Variants in OSBP2 observed in about 807,000 individuals in gnomAD.
OSBP2 encodes the protein oxysterol binding protein 2, also known as oxysterol-binding protein 2.
Under a neutral mutation model 96.0 loss-of-function variants are expected in OSBP2, and 66 were observed. The ratio of observed to expected loss-of-function variants is 0.69; its 90% confidence interval spans 0.56 to 0.84. OSBP2 has a LOEUF of 0.84. OSBP2 is among the 40% of genes least tolerant of loss of function. OSBP2 has a pLI of 0.00. For missense variants in OSBP2, 1,038 were observed against 1,222.7 expected (o/e 0.85, Z 2.25); for synonymous variants, 525 against 520.9 (o/e 1.01, Z -0.11).
At chr22:30,856,538 C>A (rs1299235098) in intron 2 of OSBP2, among the ~76,000 whole-genome samples, 2 of 151,802 alleles carry the variant, frequency 1.3e-5, no homozygotes, top group Non-Finnish European at 2.9e-5. Flanking sequence ...AGGCATGCGC[C>A]ACCATGCCTG....
intron 1 of OSBP2, among the ~76,000 whole-genome samples, chr22:30,710,574 A>G (rs2089330659): frequency 6.7e-6 from 1 of 150,318 alleles, no homozygotes; most frequent in South Asian, 2.1e-4. Context: ...GCTTGAAAAC[A>G]TGTTCCAGGC....
chr22:30,724,869 G>T (rs2089615451), intron 1 of OSBP2, among the ~76,000 whole-genome samples: 1 of 152,106 alleles, frequency 6.6e-6, no homozygotes, highest in South Asian at 2.1e-4. Flanking sequence ...GCCCTGTGCT[G>T]GTGGCAAAGA....
intron 2 of OSBP2, among the ~76,000 whole-genome samples, chr22:30,787,323 A>AG (rs939793561): frequency 6.6e-6 from 1 of 152,072 alleles, no homozygotes; most frequent in Non-Finnish European, 1.5e-5. Flanking sequence ...AGCTAAGAGG[A>AG]GGGGGAAGCC....
chr22:30,770,209 C>T (rs775317767), intron 2 of OSBP2, among the ~76,000 whole-genome samples: 17 of 151,234 alleles, frequency 1.1e-4, no homozygotes, highest in Non-Finnish European at 2.4e-4. Flanking sequence ...AAGCAATTCT[C>T]ATGCCTTAGC....
intron 2 of OSBP2, among the ~76,000 whole-genome samples, chr22:30,865,362 C>T (rs1156564611): frequency 1.3e-5 from 2 of 152,072 alleles, no homozygotes; most frequent in Admixed American, 6.6e-5. Flanking sequence ...TGGTGGCTCA[C>T]GCCTATAATC....
At chr22:30,869,947 G>T (rs2039423967) in intron 2 of OSBP2, among the ~76,000 whole-genome samples, 1 of 152,206 alleles carries the variant, frequency 6.6e-6, no homozygotes, top group Admixed American at 6.5e-5. Context: ...GGCATGAGCA[G>T]AGAGCAAAGT....
chr22:30,792,205 C>T (rs1352163754), intron 2 of OSBP2, among the ~76,000 whole-genome samples: 2 of 151,936 alleles, frequency 1.3e-5, no homozygotes. Context: ...CCCACCTACT[C>T]AGGAGGCTAA....
chr22:30,893,303 C>G (rs1346373187), intron 9 of OSBP2, 61 bp downstream of exon 9: 1 of 1,609,604 alleles, frequency 6.2e-7, no homozygotes, highest in Admixed American at 1.7e-5. Context: ...AGGGAGGATT[C>G]TGGTGATGCA....
intron 2 of OSBP2, among the ~76,000 whole-genome samples, chr22:30,821,923 T>G (rs939753522): frequency 5.3e-5 from 8 of 152,280 alleles, no homozygotes. Flanking sequence ...TGGTTATGCC[T>G]GTGGGCAGCT....
At chr22:30,772,873 A>G (rs192590132) in intron 2 of OSBP2, among the ~76,000 whole-genome samples, 118 of 149,686 alleles carry the variant, frequency 7.9e-4, no homozygotes, top group Non-Finnish European at 1.3e-4. Flanking sequence ...GCTCACTGTA[A>G]CCTCCGTCTC....
chr22:30,889,391 G>A (rs985309812), intron 6 of OSBP2, 99 bp from the exon 7 acceptor site: 10 of 1,489,724 alleles, frequency 6.7e-6, no homozygotes, highest in African/African-American at 5.5e-5. Context: ...ACCAGTGGCC[G>A]GCTTGGTGCC....
chr22:30,902,135 A>AC (rs1569176226), intron 12 of OSBP2: 13 of 200,646 alleles, frequency 6.5e-5, no homozygotes, highest in Middle Eastern at 1.7e-3. Context: ...CGAAAAAAAA[A>AC]AAACCAAAAA....
intron 1 of OSBP2, among the ~76,000 whole-genome samples, chr22:30,698,134 G>A (rs1332434968): frequency 2.6e-5 from 4 of 152,168 alleles, no homozygotes; most frequent in Non-Finnish European, 1.5e-5. Context: ...CAGCAGCAGG[G>A]TGGGTTTTCG....
chr22:30,835,846 T>G (rs1249421992), intron 2 of OSBP2, among the ~76,000 whole-genome samples: 1 of 151,810 alleles, frequency 6.6e-6, no homozygotes, highest in African/African-American at 2.4e-5. Context: ...GCCTCCCAAG[T>G]AGCTGGGACT....
intron 2 of OSBP2, among the ~76,000 whole-genome samples, chr22:30,798,479 C>G (rs997401347): frequency 1.3e-5 from 2 of 152,060 alleles, no homozygotes; most frequent in Non-Finnish European, 2.9e-5. Context: ...TGGTATCATA[C>G]CCAAGAAATG....
At chr22:30,702,705 A>G (rs1416497589) in intron 1 of OSBP2, among the ~76,000 whole-genome samples, 2 of 152,248 alleles carry the variant, frequency 1.3e-5, no homozygotes, top group African/African-American at 4.8e-5. Context: ...CCTGTTTGAA[A>G]TACCTAGAGT....
At chr22:30,891,089 C>T in intron 8 of OSBP2, 116 bp downstream of exon 8, 1 of 1,266,612 alleles carries the variant, frequency 7.9e-7, no homozygotes, top group South Asian at 1.4e-5. Context: ...ACTGCCCATA[C>T]CCAAGGGGCC....
chr22:30,885,929 G>A (rs2039800390), intron 3 of OSBP2, among the ~76,000 whole-genome samples: 1 of 152,200 alleles, frequency 6.6e-6, no homozygotes, highest in South Asian at 2.1e-4. Context: ...AGAAGGCCAG[G>A]GTTCCCACAT....
intron 1 of OSBP2, among the ~76,000 whole-genome samples, chr22:30,703,723 G>A (rs746639439): frequency 5.7e-4 from 86 of 151,844 alleles, no homozygotes; most frequent in Non-Finnish European, 8.4e-4. Context: ...TGATCTGCCC[G>A]CCTCAGCCTC....
Sources: allele counts gnomAD v4.1 joint callset (sites outside exome capture counted in the v4.1 genomes callset), GRCh38; gene constraint gnomAD v4.1.1; transcripts MANE v1.5; gene names NCBI Gene and HGNC (gene_info 2026-07-23, HGNC 2026-07-21).